The following LINGO2 variants were observed in gnomAD, a reference collection of about 807,000 sequenced individuals.
LINGO2 encodes leucine-rich repeat and immunoglobulin-like domain-containing nogo receptor-interacting protein 2.
Under a neutral mutation model 30.6 loss-of-function variants are expected in LINGO2, and 14 were observed. The ratio of observed to expected loss-of-function variants is 0.46; its 90% confidence interval spans 0.30 to 0.72. LINGO2 has a LOEUF of 0.72. Among genes scored for constraint, LINGO2 ranks in the 30% least tolerant of loss-of-function variants. LINGO2 has a pLI of 0.07. For synonymous variants in LINGO2, 317 were observed against 288.5 expected, an observed-to-expected ratio of 1.10 and a Z score of -1.00; for missense variants, 729 against 751.7, an observed-to-expected ratio of 0.97 and a Z score of 0.35.
At chr9:28,933,648 G>C in the LINGO2 span, among the ~76,000 whole-genome samples, 4 of 152,086 alleles carry the variant, frequency 2.6e-5, no homozygotes, top group Non-Finnish European at 5.9e-5. Context: ...GCCATGAAAA[G>C]AGAGTTCTCA....
At chr9:28,870,640 T>C in the LINGO2 span, among the ~76,000 whole-genome samples, 2 of 152,084 alleles carry the variant, frequency 1.3e-5, no homozygotes, top group Non-Finnish European at 2.9e-5. Context: ...AAATACCTGA[T>C]GTGGAGAAAA....
At chr9:28,078,149 T>C (rs776376114) in intron 4 of LINGO2, among the ~76,000 whole-genome samples, 3 of 149,370 alleles carry the variant, frequency 2.0e-5, no homozygotes, top group Non-Finnish European at 4.4e-5. Context: ...TTCCATCATT[T>C]CTGCCAGTGA....
intron 1 of LINGO2, among the ~76,000 whole-genome samples, chr9:28,613,515 C>T (rs1005379339): frequency 6.6e-6 from 1 of 151,596 alleles, no homozygotes; most frequent in Admixed American, 6.6e-5. Context: ...ATTTACCTAC[C>T]TATATGTAGA....
the LINGO2 span, among the ~76,000 whole-genome samples, chr9:29,045,521 CAT>C: frequency 6.6e-6 from 1 of 151,260 alleles, no homozygotes; most frequent in South Asian, 2.1e-4. Flanking sequence ...GAATAAAAAA[CAT>C]ATGACCATTT....
intron 1 of LINGO2, among the ~76,000 whole-genome samples, chr9:28,506,833 C>A (rs1021897746): frequency 1.3e-5 from 2 of 151,774 alleles, no homozygotes; most frequent in Non-Finnish European, 2.9e-5. Context: ...TGGTCACTTG[C>A]AAAGGTATTC....
At chr9:28,476,723 G>C (rs1355631599) in intron 1 of LINGO2, among the ~76,000 whole-genome samples, 1 of 152,204 alleles carries the variant, frequency 6.6e-6, no homozygotes, top group Non-Finnish European at 1.5e-5. Context: ...AAGGAGACAA[G>C]ACTTGCTGTG....
intron 4 of LINGO2, among the ~76,000 whole-genome samples, chr9:28,019,525 T>C (rs1823009949): frequency 6.6e-6 from 1 of 152,026 alleles, no homozygotes; most frequent in Non-Finnish European, 1.5e-5. Context: ...AATAATATAA[T>C]CAGGTATATT....
intron 3 of LINGO2, among the ~76,000 whole-genome samples, chr9:28,323,261 A>G (rs1340028729): frequency 6.6e-6 from 1 of 152,226 alleles, no homozygotes; most frequent in African/African-American, 2.4e-5. Flanking sequence ...TTCTGTAGGC[A>G]AATTCTGTGC....
the LINGO2 span, among the ~76,000 whole-genome samples, chr9:29,129,318 T>C: frequency 6.6e-6 from 1 of 152,166 alleles, no homozygotes; most frequent in African/African-American, 2.4e-5. Context: ...AAAAGTAATC[T>C]AGATAAACTG....
chr9:28,635,792 T>C (rs1175462792), intron 1 of LINGO2, among the ~76,000 whole-genome samples: 1 of 152,172 alleles, frequency 6.6e-6, no homozygotes, highest in Admixed American at 6.5e-5. Context: ...TGATTCTCTT[T>C]AAAAAAGAGT....
chr9:28,733,375 G>A, the LINGO2 span, among the ~76,000 whole-genome samples: 1 of 152,068 alleles, frequency 6.6e-6, no homozygotes, highest in African/African-American at 2.4e-5. Context: ...ATATATTTTA[G>A]CTGAAGGAAG....
chr9:28,243,952 A>T (rs911550864), intron 4 of LINGO2, among the ~76,000 whole-genome samples: 1 of 152,284 alleles, frequency 6.6e-6, no homozygotes, highest in African/African-American at 2.4e-5. Flanking sequence ...TCAGGACTTG[A>T]ACTCTGCTCT....
At chr9:28,340,064 G>A (rs1393564580) in intron 3 of LINGO2, among the ~76,000 whole-genome samples, 1 of 152,092 alleles carries the variant, frequency 6.6e-6, no homozygotes, top group Non-Finnish European at 1.5e-5. Context: ...GGCAAATACT[G>A]TATATATACT....
rs559547341 is a variant in LINGO2 at position 28,024,052 on chromosome 9, G to A, written c.-86-11647C>T. The stretch of plus-strand genomic sequence containing the variant: ...ATTCTCAATTCTATGAGGAGTCCAA[G>A]AAATGTCACCAATTTTTCAGTTTGC... On this transcript the variant is annotated intron_variant, in intron 4 of 5. Coordinates refer to ENST00000379992, the Ensembl canonical transcript of LINGO2. 2.0e-5 allele frequency among the ~76,000 whole-genome samples: 3 copies of A among 152,254 alleles called. No homozygotes were observed. The East Asian group carries it at 5.8e-4, about 29-fold the overall frequency.
the LINGO2 span, among the ~76,000 whole-genome samples, chr9:28,924,804 T>TAAA: frequency 6.6e-6 from 1 of 152,230 alleles, no homozygotes; most frequent in Admixed American, 6.5e-5. Flanking sequence ...CCTATATATT[T>TAAA]AAAACTGTTA....
At chr9:28,906,738 A>T in the LINGO2 span, among the ~76,000 whole-genome samples, 1 of 151,968 alleles carries the variant, frequency 6.6e-6, no homozygotes, top group Non-Finnish European at 1.5e-5. Context: ...CAAAGTGACC[A>T]TCTTAAATAT....
At chr9:28,916,151 T>A in the LINGO2 span, among the ~76,000 whole-genome samples, 1 of 152,140 alleles carries the variant, frequency 6.6e-6, no homozygotes, top group South Asian at 2.1e-4. Flanking sequence ...ACAGAGAACT[T>A]AAGACTGACA....
chr9:29,082,760 C>A, the LINGO2 span, among the ~76,000 whole-genome samples: 6 of 151,902 alleles, frequency 3.9e-5, no homozygotes, highest in Non-Finnish European at 8.8e-5. Flanking sequence ...AACCCATCAA[C>A]AAGTGGGCGA....
At chr9:28,638,392 T>A (rs907703185) in intron 1 of LINGO2, among the ~76,000 whole-genome samples, 2 of 152,186 alleles carry the variant, frequency 1.3e-5, no homozygotes, top group African/African-American at 4.8e-5. Flanking sequence ...TCAGAAGGAA[T>A]GGTACCAGCT....
Sources: gnomAD v4.1 joint callset for allele counts (sites outside exome capture counted in the v4.1 genomes callset) on GRCh38, gnomAD v4.1.1 for gene constraint, MANE v1.5 for transcripts, NCBI Gene and HGNC (gene_info 2026-07-23, HGNC 2026-07-21) for gene names.